The following NPHP4 variants were observed in gnomAD, a reference collection of about 807,000 sequenced individuals.
NPHP4 encodes the protein nephrocystin-4.
Under a neutral mutation model 155.8 loss-of-function variants are expected in NPHP4, and 151 were observed. That is an observed-to-expected ratio of 0.97 (90% CI 0.85 to 1.11). The LOEUF (loss-of-function observed/expected upper bound fraction) is 1.11. Among genes scored for constraint, NPHP4 ranks in the 50% least tolerant of loss-of-function variants. The pLI is 0.00. For synonymous variants in NPHP4, 845 were observed against 816.8 expected, an observed-to-expected ratio of 1.03 and a Z score of -0.59; for missense variants, 1,956 against 1,925.7, an observed-to-expected ratio of 1.02 and a Z score of -0.29.
Position 5,864,328 on chromosome 1 carries a change from A to C in NPHP4, c.3996+10T>G, listed in dbSNP as rs765120376. 6.3e-7 allele frequency: 1 copy of C among 1,591,606 alleles called. No individual in the cohort carries two copies. The highest frequency in any genetic ancestry group is 8.6e-7 in the Non-Finnish European group (1 of 1,166,180). ...CATCCCCTCAGCCTGTGCCTGCCAC[A>C]CATACAGACCTTGGAGATGAGCGGC... On this transcript the variant is annotated intron_variant, in intron 28 of 29. Transcript: ENST00000378156.
intron 4 of NPHP4, 129 bp downstream of exon 4, chr1:5,968,958 C>T (rs1290020038): frequency 2.0e-5 from 11 of 562,814 alleles, no homozygotes; most frequent in Admixed American, 3.1e-5. Flanking sequence ...ACCCAGGAAG[C>T]GGAGGTTGCA....
At chr1:5,942,311 C>A in intron 9 of NPHP4, among the ~76,000 whole-genome samples, 1 of 152,112 alleles carries the variant, frequency 6.6e-6, no homozygotes, top group East Asian at 1.9e-4. Context: ...GCGGGTGGAT[C>A]ACAAGGTCAG....
chr1:5,959,722 G>C lies in NPHP4; in HGVS notation c.673+2072C>G, dbSNP rs370769732. Among the ~76,000 whole-genome samples, 3 of 152,054 alleles carry C rather than the reference G, an allele frequency of 2.0e-5. No individual in the cohort carries two copies. The East Asian group carries it at 5.8e-4, about 29-fold the overall frequency. ...CATCTCACAGCTAGTCCCAAGATCAGTATCCACCAGGTGACATCTCACAGC... is the reference window on the plus strand; with the variant it reads ...CATCTCACAGCTAGTCCCAAGATCACTATCCACCAGGTGACATCTCACAGC... On this transcript the variant is annotated intron_variant, in intron 6 of 29. Coordinates refer to ENST00000378156, the MANE Select transcript of NPHP4 (RefSeq NM_015102.5).
At chr1:5,914,420 T>C (rs116591984) in intron 11 of NPHP4, among the ~76,000 whole-genome samples, 2,307 of 151,888 alleles carry the variant, frequency 0.015, 59 homozygotes, top group African/African-American at 0.053. Flanking sequence ...GACAACAGAG[T>C]GAGATCTTCT....
intron 11 of NPHP4, among the ~76,000 whole-genome samples, chr1:5,925,681 T>G (rs1225664010): frequency 6.6e-6 from 1 of 152,130 alleles, no homozygotes; most frequent in Non-Finnish European, 1.5e-5. Flanking sequence ...AGTGGCACAA[T>G]CTCGGCTCAC....
rs1490741378 is a variant in NPHP4, at chr1:5,890,753, A to G, written c.2304+115T>C. 2.2e-6 allele frequency: 2 copies of G among 891,310 alleles called. No homozygotes were observed. Among genetic ancestry groups the G allele is most frequent in the African/African-American group, 1.7e-5 (1 of 59,714 alleles). 55.2% of individuals were successfully genotyped at this position (891,310 alleles called of 1,614,324 possible). On this transcript the variant is annotated intron_variant, in intron 17 of 29. Transcript: ENST00000378156. The surrounding 1 kb of genome is among the most constrained non-coding windows in gnomAD (Gnocchi z 4.9). ...TTAACGAGTGAACAAAGAAGGTCAA[A>G]CAAGTCCTGTGCGGGATAGCGCCCG...
intron 11 of NPHP4, among the ~76,000 whole-genome samples, chr1:5,916,598 CA>C (rs1438719519): frequency 2.0e-5 from 3 of 152,200 alleles, no homozygotes; most frequent in Admixed American, 2.0e-4. Flanking sequence ...TCATTTGCAC[CA>C]CCGTTCAACT....
At chr1:5,863,794 G>T in intron 29 of NPHP4, 96 bp downstream of exon 29, 1 of 1,350,776 alleles carries the variant, frequency 7.4e-7, no homozygotes. Flanking sequence ...AAGACTGCTG[G>T]TGATTTGAGG....
At chr1:5,870,533 G>A (rs921971541) in intron 23 of NPHP4, among the ~76,000 whole-genome samples, 5 of 152,118 alleles carry the variant, frequency 3.3e-5, no homozygotes, top group South Asian at 2.1e-4. Flanking sequence ...CACCTAGTGC[G>A]TCAAAGTCTG....
chr1:5,876,947 C>T (rs1334806248), intron 20 of NPHP4, 146 bp downstream of exon 20: 1 of 529,840 alleles, frequency 1.9e-6, no homozygotes, highest in Non-Finnish European at 3.0e-6. Flanking sequence ...CCCCCGGTGG[C>T]TGAAAAAGTC....
intron 23 of NPHP4, among the ~76,000 whole-genome samples, chr1:5,868,678 A>G (rs911607232): frequency 6.7e-6 from 1 of 149,736 alleles, no homozygotes; most frequent in African/African-American, 2.5e-5. Flanking sequence ...ATGCACACAC[A>G]TGCATGTACA....
At chr1:5,883,951 T>A (rs975697188) in intron 18 of NPHP4, among the ~76,000 whole-genome samples, 2 of 152,212 alleles carry the variant, frequency 1.3e-5, no homozygotes, top group African/African-American at 4.8e-5. Flanking sequence ...GCAGCGGGTG[T>A]GACCAGCAGG....
chr1:5,978,251 C>A lies in NPHP4; in HGVS notation c.279+19G>T. On this transcript the variant is annotated intron_variant, in intron 3 of 29. Transcript: ENST00000378156. ...CCCTCCGCCTTGGAGCAGCCCCTGC[C>A]ACCATCACCAGGGCCCACCTCATTA... 1 of 1,597,394 alleles carries A rather than the reference C, an allele frequency of 6.3e-7. No individual in the cohort carries two copies. The highest frequency in any genetic ancestry group is 8.5e-7 in the Non-Finnish European group (1 of 1,171,868).
chr1:5,888,701 C>T lies in NPHP4; in HGVS notation c.2305-1235G>A. The T allele has an allele frequency of 2.9e-5, 29 of 1,003,932 alleles. No homozygotes were observed. In the South Asian group the frequency reaches 3.9e-4, roughly 13 times the overall value. 62.2% of individuals were successfully genotyped at this position (1,003,932 alleles called of 1,614,324 possible). On this transcript the variant is annotated intron_variant, in intron 17 of 29. Coordinates refer to ENST00000378156, the MANE Select transcript of NPHP4 (RefSeq NM_015102.5). ...ATGAAAACAAGGCACCATTTTCCTCCCAAATCATTATCAAAATGGCCACTG... is the reference window on the plus strand; with the variant it reads ...ATGAAAACAAGGCACCATTTTCCTCTCAAATCATTATCAAAATGGCCACTG...
Position 5,890,228 on chromosome 1 carries a change from C to T in NPHP4, c.2304+640G>A, listed in dbSNP as rs940042917. On this transcript the variant is annotated intron_variant, in intron 17 of 29. Transcript: ENST00000378156. The surrounding 1 kb of genome is among the most constrained non-coding windows in gnomAD (Gnocchi z 4.9). ...GCCACATCCTCTCCCAGCTCCGTCC[C>T]GTGGCCTGAGAGAAGTCTCAGGACA... Among the ~76,000 whole-genome samples the T allele has an allele frequency of 2.0e-5, 3 of 152,142 alleles. No individual in the cohort carries two copies. The highest frequency in any genetic ancestry group is 2.9e-5 in the Non-Finnish European group (2 of 68,028).
intron 11 of NPHP4, among the ~76,000 whole-genome samples, chr1:5,919,816 T>C (rs1645650320): frequency 6.6e-6 from 1 of 152,056 alleles, no homozygotes; most frequent in East Asian, 1.9e-4. Context: ...CATAGTTCAC[T>C]GCAGCCTCGA....
In NPHP4 at chr1:5,927,666, G is replaced by A. The variant is rs1646074588; in HGVS notation, c.1424C>T (p.Pro475Leu). ...PKVERRPSRKPPTSPSSPPAP... is the reference protein window; with the variant it reads ...PKVERRPSRKLPTSPSSPPAP... The stretch of plus-strand genomic sequence containing the variant: ...ACACTTACTCGAAGGGGACGTGGGT[G>A]GTTTCCTGGAAGGCCGCCGCTCCAC... Residue 475 changes from proline (P) to leucine (L), a missense_variant, in exon 11 of 30, where the codon CCA becomes CTA. Transcript: ENST00000378156. The A allele has an allele frequency of 2.5e-6, 4 of 1,611,318 alleles. No homozygotes were observed. Among genetic ancestry groups the A allele is most frequent in the East Asian group, 2.2e-5 (1 of 44,784 alleles).
intron 1 of NPHP4, among the ~76,000 whole-genome samples, chr1:5,989,574 C>T (rs1361016003): frequency 6.6e-6 from 1 of 152,190 alleles, no homozygotes; most frequent in South Asian, 2.1e-4. Flanking sequence ...TAAATGGTCA[C>T]GGAACCAAAC....
chr1:5,983,404 T>C (rs1655014607), intron 2 of NPHP4, among the ~76,000 whole-genome samples: 1 of 152,258 alleles, frequency 6.6e-6, no homozygotes, highest in Non-Finnish European at 1.5e-5. Context: ...GTTTATGTAC[T>C]GTGGCTTATG....
Sources: gnomAD v4.1 joint callset for allele counts (sites outside exome capture counted in the v4.1 genomes callset) on GRCh38, gnomAD v4.1.1 for gene constraint, Gnocchi (gnomAD v3.1) non-coding constraint, MANE v1.5 for transcripts, NCBI Gene and HGNC (gene_info 2026-07-23, HGNC 2026-07-21) for gene names.